Variants in LAMA5 observed in about 807,000 individuals in gnomAD.
LAMA5 encodes the protein laminin subunit alpha 5.
Under a neutral mutation model 433.4 loss-of-function variants are expected in LAMA5, and 260 were observed. The ratio of observed to expected loss-of-function variants is 0.60; its 90% CI spans 0.54 to 0.66. LAMA5 has a LOEUF of 0.66. Ranked by LOEUF, LAMA5 falls within the 30% of genes least tolerant of loss-of-function variation. LAMA5 has a pLI of 0.00. For synonymous variants in LAMA5, 2,620 were observed against 2,226.6 expected (o/e 1.18, Z -4.97); for missense variants, 5,378 against 5,258.5 (o/e 1.02, Z -0.70).
intron 51 of LAMA5, 33 bp from the exon 52 acceptor site, chr20:62,319,046 C>T (rs1488553967): frequency 2.3e-5 from 34 of 1,504,068 alleles, no homozygotes; most frequent in Non-Finnish European, 2.9e-5. Flanking sequence ...AGCCTGGGGC[C>T]GCCCGTACTA....
chr20:62,319,149 C>G (rs1401925958), intron 51 of LAMA5, 136 bp from the exon 52 acceptor site: 5 of 905,840 alleles, frequency 5.5e-6, no homozygotes, highest in Non-Finnish European at 6.5e-6. Context: ...ACCTGGGTGG[C>G]CCCTAGAGCA....
rs1278744929 is a variant in LAMA5 at position 62,310,021 on chromosome 20, C to T, written c.10795G>A (p.Val3599Met). The change falls in exon 78 of 80, where the codon GTG becomes ATG. Residue 3599 changes from valine (V) to methionine (M), a missense_variant. Transcript: ENST00000252999. Reference sequence around the variant, plus strand: ...CGGTGCCACTGGCCATCACACAGCACTGAGGGGCGGGTCACTGACGTGGAG... The same window carrying T: ...CGGTGCCACTGGCCATCACACAGCATTGAGGGGCGGGTCACTGACGTGGAG... ...EFSTSVTRPS[V>M]LCDGQWHRLA... is the part of the protein sequence containing the mutation. 1 of 1,611,468 alleles carries T rather than the reference C, an allele frequency of 6.2e-7. No individual in the cohort carries two copies. Among genetic ancestry groups the T allele is most frequent in the African/African-American group, 1.3e-5 (1 of 74,918 alleles).
chr20:62,323,056 A>G (rs1601322586), intron 45 of LAMA5, among the ~76,000 whole-genome samples: 1 of 73,990 alleles, frequency 1.4e-5, no homozygotes, highest in African/African-American at 5.5e-5. Flanking sequence ...TTGTGGGGGG[A>G]GAGGGGATGT....
intron 26 of LAMA5, 106 bp downstream of exon 26, chr20:62,332,984 C>T: frequency 7.5e-7 from 1 of 1,328,260 alleles, no homozygotes; most frequent in African/African-American, 1.5e-5. Flanking sequence ...GCTCCATTGC[C>T]TGAGGCAGCG....
At chr20:62,321,930 G>A (rs1485982445) in intron 48 of LAMA5, 89 bp downstream of exon 48, 5 of 1,324,714 alleles carry the variant, frequency 3.8e-6, no homozygotes, top group African/African-American at 2.9e-5. Flanking sequence ...CACTCTGGGA[G>A]GTCGACGTTA....
At position 62,311,148 on chromosome 20, in the gene LAMA5, G is replaced by A. The variant is rs753623282; in HGVS notation, c.10088+14C>T. On this transcript the variant is annotated intron_variant, in intron 73 of 79. Transcript: ENST00000252999. ...CGGCCCCTCTCAGCCCACCCCAGCC[G>A]GGCCTGGCCTTACCAGTTCCTATGT... The A allele has an allele frequency of 4.2e-5, 66 of 1,567,752 alleles. No individual in the cohort carries two copies. The Admixed American group carries it at 9.9e-4, about 24-fold the overall frequency.
At position 62,328,460 on chromosome 20, in the gene LAMA5, C is replaced by A; in HGVS notation, c.4448-15G>T. On this transcript the variant is annotated splice_polypyrimidine_tract_variant and intron_variant, in intron 34 of 79. Transcript: ENST00000252999. ...GCAGTCACAGGCTGTGGGGCGGGTA[C>A]AGGGTTTACTGACCCCTCTTCCCAG... 6.8e-7 allele frequency: 1 copy of A among 1,475,216 alleles called. No individual in the cohort carries two copies. The highest frequency in any genetic ancestry group is 9.0e-7 in the Non-Finnish European group (1 of 1,106,148). The allele number at this position is 1,475,216 out of a possible 1,614,324, so 91.4% of individuals were successfully genotyped here. A position where few individuals can be genotyped will look rare whatever the true frequency, so the allele number is the denominator to read the frequency against.
chr20:62,339,333 G>A lies in LAMA5; in HGVS notation c.1478-725C>T, dbSNP rs902264630. Among the ~76,000 whole-genome samples the A allele has an allele frequency of 2.9e-5, 4 of 139,480 alleles. No homozygotes were observed. The Admixed American group carries it at 3.2e-4, about 11-fold the overall frequency. The allele number at this position is 139,480 out of a possible 152,430, so 91.5% of individuals were successfully genotyped here. A position where few individuals can be genotyped will look rare whatever the true frequency, so the allele number is the denominator to read the frequency against. ...GCTCACTGCAAGCTCTGCCTCCCGGGTTCACACCATTCTCCTGCCTCAGCC... is the reference window on the plus strand; with the variant it reads ...GCTCACTGCAAGCTCTGCCTCCCGGATTCACACCATTCTCCTGCCTCAGCC... On this transcript the variant is annotated intron_variant, in intron 11 of 79. Coordinates refer to ENST00000252999, the MANE Select transcript of LAMA5 (RefSeq NM_005560.6).
intron 33 of LAMA5, 40 bp from the exon 34 acceptor site, chr20:62,329,095 A>G: frequency 6.2e-7 from 1 of 1,611,994 alleles, no homozygotes; most frequent in Middle Eastern, 1.7e-4. Context: ...CTCCCGGCCC[A>G]GACCCCCACC....
intron 16 of LAMA5, among the ~76,000 whole-genome samples, 177 bp downstream of exon 16, chr20:62,337,413 C>T (rs932904560): frequency 9.2e-5 from 14 of 152,252 alleles, no homozygotes; most frequent in African/African-American, 3.4e-4. Context: ...ACGGGCAGTA[C>T]GCGGACACCC....
At chr20:62,317,933 T>G (rs1601298760) in intron 53 of LAMA5, among the ~76,000 whole-genome samples, 155 bp from the exon 54 acceptor site, 3 of 23,136 alleles carry the variant, frequency 1.3e-4, no homozygotes, top group Non-Finnish European at 1.8e-4. Flanking sequence ...CGTGTGAGTA[T>G]GAGGGAAGGA....
At chr20:62,317,174 T>C in intron 55 of LAMA5, 151 bp from the exon 56 acceptor site, 2 of 1,182,452 alleles carry the variant, frequency 1.7e-6, no homozygotes, top group Middle Eastern at 2.9e-4. Context: ...CTGCTGGGTG[T>C]ACTGCTCCTG....
At chr20:62,328,527 G>A in intron 34 of LAMA5, 82 bp from the exon 35 acceptor site, 6 of 1,364,366 alleles carry the variant, frequency 4.4e-6, no homozygotes, top group African/African-American at 1.5e-5. Context: ...CCTAGGGGAT[G>A]TGGCAGTGTG....
chr20:62,362,800 G>A lies in LAMA5; in HGVS notation c.298-248C>T, dbSNP rs1366795078. ...CAAGAGGAAGACCAGGGTGGAGAGGGGCATCTGCCTTGGGTGGGAAAATCT... is the reference window on the plus strand; with the variant it reads ...CAAGAGGAAGACCAGGGTGGAGAGGAGCATCTGCCTTGGGTGGGAAAATCT... On this transcript the variant is annotated intron_variant, in intron 1 of 79. Transcript: ENST00000252999. 1.3e-5 allele frequency among the ~76,000 whole-genome samples: 2 copies of A among 152,096 alleles called. 1 individual carries two copies. Among genetic ancestry groups the A allele is most frequent in the Admixed American group, 1.3e-4 (2 of 15,268 alleles).
At chr20:62,319,508 C>T (rs919672312) in intron 51 of LAMA5, among the ~76,000 whole-genome samples, 176 bp downstream of exon 51, 10 of 152,180 alleles carry the variant, frequency 6.6e-5, no homozygotes, top group Admixed American at 2.0e-4. Context: ...TCTGGCCACA[C>T]GGCTGTGTCG....
rs757688106 is a variant in LAMA5 at position 62,326,674 on chromosome 20, C to A, written c.5298+3G>T. 3 of 1,611,360 alleles carry A rather than the reference C, an allele frequency of 1.9e-6. No homozygotes were observed. Among genetic ancestry groups the A allele is most frequent in the Non-Finnish European group, 2.5e-6 (3 of 1,179,100 alleles). On this transcript the variant is annotated splice_donor_region_variant and intron_variant, in intron 40 of 79. Transcript: ENST00000252999. ...CCTGGGTGCCCAAGCCAGCTCCCCTCACCTCCACCAGCTGCAGCTGCCCAC... is the reference window on the plus strand; with the variant it reads ...CCTGGGTGCCCAAGCCAGCTCCCCTAACCTCCACCAGCTGCAGCTGCCCAC...
At chr20:62,343,068 T>C (rs1982835163) in intron 11 of LAMA5, among the ~76,000 whole-genome samples, 1 of 152,218 alleles carries the variant, frequency 6.6e-6, no homozygotes, top group South Asian at 2.1e-4. Context: ...TCGCTTGCTT[T>C]TGTAAATAAA....
At chr20:62,321,132 T>G (rs1375734110) in intron 48 of LAMA5, among the ~76,000 whole-genome samples, 15 of 128,910 alleles carry the variant, frequency 1.2e-4, no homozygotes, top group African/African-American at 5.1e-4. Flanking sequence ...GCACAAGGGG[T>G]TGGGGCCGGA....
intron 51 of LAMA5, 28 bp downstream of exon 51, chr20:62,319,656 C>A: frequency 1.3e-6 from 2 of 1,498,756 alleles, no homozygotes; most frequent in Non-Finnish European, 1.8e-6. Context: ...TGGCTCTGAG[C>A]CCTGAGCCTG....
Sources: gnomAD v4.1 joint callset for allele counts (sites outside exome capture counted in the v4.1 genomes callset) on GRCh38, gnomAD v4.1.1 for gene constraint, MANE v1.5 for transcripts, NCBI Gene and HGNC (gene_info 2026-07-23, HGNC 2026-07-21) for gene names.